The following CNIH3 variants were observed in gnomAD, a reference collection of about 807,000 sequenced individuals.
The protein encoded by CNIH3 is cornichon family AMPA receptor auxiliary protein 3.
CNIH3 carries 14 observed loss-of-function variants against 24.1 expected under a neutral mutation model. The observed-to-expected ratio is 0.58, with a 90% confidence interval of 0.38 to 0.91. The LOEUF (loss-of-function observed/expected upper bound fraction) is 0.91, where lower values mean the gene tolerates loss of function less well. Ranked by LOEUF, CNIH3 falls within the 40% of genes least tolerant of loss-of-function variation. The pLI, the probability that CNIH3 is intolerant of heterozygous loss-of-function variation, is 0.00. For missense variants in CNIH3, 178 were observed against 196.8 expected (o/e 0.90, Z 0.57); for synonymous variants, 68 against 73.8 (o/e 0.92, Z 0.40).
chr1:224,553,357 T>C (rs1226313492), intron 3 of CNIH3, among the ~76,000 whole-genome samples: 6 of 152,042 alleles, frequency 3.9e-5, no homozygotes, highest in Non-Finnish European at 8.8e-5. Flanking sequence ...TCCAGGTTGT[T>C]TTCTGCCGTC....
intron 4 of CNIH3, among the ~76,000 whole-genome samples, chr1:224,570,203 G>A (rs958781042): frequency 3.3e-5 from 5 of 152,182 alleles, no homozygotes; most frequent in African/African-American, 1.2e-4. Flanking sequence ...CAAGGGGTAC[G>A]TGTGCAAGTT....
intron 1 of CNIH3, among the ~76,000 whole-genome samples, chr1:224,482,817 T>G (rs1232842691): frequency 6.6e-6 from 1 of 152,146 alleles, no homozygotes; most frequent in Non-Finnish European, 1.5e-5. Flanking sequence ...AGAAGTCATC[T>G]AGGAGTTGTA....
At chr1:224,580,826 G>A (rs997130146) in intron 4 of CNIH3, among the ~76,000 whole-genome samples, 1 of 151,884 alleles carries the variant, frequency 6.6e-6, no homozygotes, top group African/African-American at 2.4e-5. Context: ...AAGAAAAGGA[G>A]GGGTAGAGGG....
Position 224,710,489 on chromosome 1 carries a change from T to C in CNIH3, c.199-19973T>C, listed in dbSNP as rs149707817. 6.6e-5 allele frequency among the ~76,000 whole-genome samples: 10 copies of C among 152,358 alleles called. No homozygotes were observed. The East Asian group carries it at 1.9e-3, about 29-fold the overall frequency. On this transcript the variant is annotated intron_variant, in intron 3 of 5. Coordinates refer to ENST00000272133, the MANE Select transcript of CNIH3 (RefSeq NM_152495.2). ...AAACCTTGATCATATATAATTTCCA[T>C]ACCCAGAAATCTCTGGATCCCAGTT...
At chr1:224,708,337 C>T (rs539277304) in intron 3 of CNIH3, among the ~76,000 whole-genome samples, 1 of 152,262 alleles carries the variant, frequency 6.6e-6, no homozygotes, top group Admixed American at 6.5e-5. Flanking sequence ...TGAGTACCTT[C>T]TCTCTCTCAT....
chr1:224,513,370 G>C (rs35063215), upstream of CNIH3, among the ~76,000 whole-genome samples: 1,663 of 138,668 alleles, frequency 0.012, 42 homozygotes, highest in African/African-American at 0.033. Flanking sequence ...GGGAGGGGGG[G>C]GGTCTCTCTA....
Position 224,739,366 on chromosome 1 carries a change from C to G in CNIH3, c.*10C>G, listed in dbSNP as rs751350129. On this transcript the variant is annotated 3_prime_UTR_variant, in exon 6 of 6. Coordinates refer to ENST00000272133, the MANE Select transcript of CNIH3 (RefSeq NM_152495.2). ...TTTAGTGAGCTCTTAACGCAAAGAC[C>G]ATGCACATCATCAGAGACTGAGATG... The G allele has an allele frequency of 6.4e-6, 10 of 1,563,168 alleles. No homozygotes were observed. The Admixed American group carries it at 1.1e-4, about 17-fold the overall frequency.
intron 4 of CNIH3, among the ~76,000 whole-genome samples, chr1:224,568,142 T>C (rs1004316124): frequency 2.0e-5 from 3 of 152,012 alleles, no homozygotes; most frequent in African/African-American, 7.2e-5. Context: ...ATACAAAAAT[T>C]AGCTGGGCAT....
downstream of CNIH3, among the ~76,000 whole-genome samples, chr1:224,537,865 A>G (rs532122537): frequency 3.3e-5 from 5 of 152,318 alleles, no homozygotes; most frequent in Non-Finnish European, 7.3e-5. Flanking sequence ...ACCATCCATA[A>G]TAAGCAAAAG....
chr1:224,706,119 C>T (rs1218638334), intron 3 of CNIH3, among the ~76,000 whole-genome samples: 3 of 152,058 alleles, frequency 2.0e-5, no homozygotes, highest in South Asian at 2.1e-4. Flanking sequence ...TTGTAGGTGT[C>T]CAGTAAATGT....
At chr1:224,603,543 G>A (rs1040442896) in intron 3 of CNIH3, among the ~76,000 whole-genome samples, 11 of 152,148 alleles carry the variant, frequency 7.2e-5, no homozygotes, top group African/African-American at 2.7e-4. Flanking sequence ...TCCCTATTTT[G>A]GGGTGGCATA....
intron 1 of CNIH3, among the ~76,000 whole-genome samples, chr1:224,625,084 C>T (rs964805323): frequency 5.3e-5 from 8 of 152,174 alleles, no homozygotes; most frequent in Admixed American, 5.2e-4. Flanking sequence ...CTGTTGCCCT[C>T]ACTTGTGGCC....
At chr1:224,682,663 T>A (rs1180991931) in intron 2 of CNIH3, among the ~76,000 whole-genome samples, 1 of 152,228 alleles carries the variant, frequency 6.6e-6, no homozygotes, top group Non-Finnish European at 1.5e-5. Flanking sequence ...GGGTCTCATG[T>A]CTTTCTGGAT....
upstream of CNIH3, among the ~76,000 whole-genome samples, chr1:224,512,625 C>T (rs1249189717): frequency 6.6e-6 from 1 of 152,156 alleles, no homozygotes; most frequent in East Asian, 1.9e-4. Context: ...TAACAACATA[C>T]CATGAGGTAT....
At chr1:224,622,498 A>G (rs1683330138) in intron 1 of CNIH3, among the ~76,000 whole-genome samples, 2 of 152,234 alleles carry the variant, frequency 1.3e-5, no homozygotes, top group Admixed American at 1.3e-4. Flanking sequence ...CTCCCTGAAA[A>G]AGAAAGCTTA....
intron 4 of CNIH3, among the ~76,000 whole-genome samples, chr1:224,582,421 G>A (rs964862345): frequency 5.3e-5 from 8 of 151,970 alleles, no homozygotes; most frequent in African/African-American, 7.2e-5. Context: ...AACAGAGCAC[G>A]GTTTTTTTTT....
At chr1:224,625,272 G>A (rs755233498) in intron 1 of CNIH3, among the ~76,000 whole-genome samples, 25 of 152,242 alleles carry the variant, frequency 1.6e-4, no homozygotes, top group South Asian at 6.2e-4. Flanking sequence ...ATTTTTGTCC[G>A]GGCGTGGTGG....
chr1:224,539,939 T>C (rs1679447479), downstream of CNIH3, among the ~76,000 whole-genome samples: 1 of 152,210 alleles, frequency 6.6e-6, no homozygotes, highest in Middle Eastern at 3.2e-3. Context: ...GAGGGTGCAC[T>C]GAATTTTATT....
chr1:224,672,932 C>T (rs1015438239), intron 1 of CNIH3, among the ~76,000 whole-genome samples: 2 of 152,184 alleles, frequency 1.3e-5, no homozygotes, highest in African/African-American at 4.8e-5. Context: ...TAGAAAACTG[C>T]GCAGCTTTTC....
Sources: allele counts gnomAD v4.1 joint callset (sites outside exome capture counted in the v4.1 genomes callset), GRCh38; gene constraint gnomAD v4.1.1; transcripts MANE v1.5; gene names NCBI Gene and HGNC (gene_info 2026-07-23, HGNC 2026-07-21).